The following TUSC3 variants were observed in gnomAD, a reference collection of about 807,000 sequenced individuals.
TUSC3 encodes dolichyl-diphosphooligosaccharide--protein glycosyltransferase subunit TUSC3.
Under a neutral mutation model 44.8 loss-of-function variants are expected in TUSC3, and 45 were observed. The observed-to-expected ratio is 1.00, with a 90% CI of 0.79 to 1.29. The LOEUF is 1.29. Ranked by LOEUF, TUSC3 falls within the 50% of genes most tolerant of loss-of-function variation. TUSC3 has a pLI of 0.00. For missense variants in TUSC3, 519 were observed against 437.9 expected (o/e 1.19, Z -1.65); for synonymous variants, 212 against 152.9 (o/e 1.39, Z -2.85).
At chr8:15,782,081 G>C in the TUSC3 span, among the ~76,000 whole-genome samples, 1 of 152,224 alleles carries the variant, frequency 6.6e-6, no homozygotes, top group Non-Finnish European at 1.5e-5. Context: ...GTGACAGTGA[G>C]CCGAGATCGT....
chr8:15,652,046 C>T (rs917316256), intron 3 of TUSC3, among the ~76,000 whole-genome samples: 1 of 152,202 alleles, frequency 6.6e-6, no homozygotes, highest in Non-Finnish European at 1.5e-5. Context: ...AGAATTTGAA[C>T]TCAACTGTGT....
chr8:15,837,395 CTTTT>C, the TUSC3 span, among the ~76,000 whole-genome samples: 328 of 152,070 alleles, frequency 2.2e-3, 1 homozygote, highest in African/African-American at 7.6e-3. Flanking sequence ...GTCATTGTTT[CTTTT>C]TGTCAGACTA....
chr8:15,752,077 T>C (rs1180551815), intron 9 of TUSC3, among the ~76,000 whole-genome samples: 4 of 152,052 alleles, frequency 2.6e-5, no homozygotes, highest in African/African-American at 9.7e-5. Context: ...CAATATAAAG[T>C]GTCACAAGCT....
chr8:15,576,676 G>A (rs1470222603), intron 1 of TUSC3, among the ~76,000 whole-genome samples: 1 of 137,100 alleles, frequency 7.3e-6, no homozygotes, highest in East Asian at 2.4e-4. Flanking sequence ...ATTCCATGGT[G>A]TATATGTGCC....
chr8:15,561,677 C>T (rs1001900132), intron 1 of TUSC3: 2 of 151,358 alleles, frequency 1.3e-5, no homozygotes, highest in African/African-American at 4.9e-5. Context: ...GTAGGACCCT[C>T]CGAGCCAGGT....
chr8:15,448,990 T>A (rs1314474214), intron 1 of TUSC3, among the ~76,000 whole-genome samples: 1 of 152,198 alleles, frequency 6.6e-6, no homozygotes, highest in Admixed American at 6.5e-5. Flanking sequence ...TGTATAGTAG[T>A]GTCTAGTAAT....
At chr8:15,584,010 A>G (rs545509185) in intron 1 of TUSC3, among the ~76,000 whole-genome samples, 1 of 152,230 alleles carries the variant, frequency 6.6e-6, no homozygotes, top group Non-Finnish European at 1.5e-5. Flanking sequence ...CAGGGGCAGT[A>G]TTTTGTGAGA....
the TUSC3 span, among the ~76,000 whole-genome samples, chr8:15,811,444 G>C: frequency 6.6e-6 from 1 of 152,162 alleles, no homozygotes; most frequent in Admixed American, 6.5e-5. Context: ...AAGCCCGGGG[G>C]TAGTTGCCAC....
intron 6 of TUSC3, among the ~76,000 whole-genome samples, chr8:15,713,925 T>A (rs888370148): frequency 6.6e-6 from 1 of 152,196 alleles, no homozygotes; most frequent in Non-Finnish European, 1.5e-5. Flanking sequence ...ATTGGTCACT[T>A]ATTCACAACC....
chr8:15,680,493 G>A (rs1279269321), intron 6 of TUSC3, among the ~76,000 whole-genome samples: 1 of 152,082 alleles, frequency 6.6e-6, no homozygotes, highest in Non-Finnish European at 1.5e-5. Context: ...TTTTGGTAGA[G>A]TATTTAGGGT....
intron 2 of TUSC3, among the ~76,000 whole-genome samples, chr8:15,500,973 A>T (rs190481747): frequency 6.6e-6 from 1 of 152,336 alleles, no homozygotes; most frequent in African/African-American, 2.4e-5. Flanking sequence ...TATAAGGTAC[A>T]GAAAGTAACT....
At chr8:15,704,166 A>C (rs1289551543) in intron 6 of TUSC3, among the ~76,000 whole-genome samples, 1 of 151,972 alleles carries the variant, frequency 6.6e-6, no homozygotes, top group Non-Finnish European at 1.5e-5. Context: ...ATTTAAGCAG[A>C]GACCTGAAGG....
At chr8:15,701,222 T>TC (rs1809391403) in intron 6 of TUSC3, among the ~76,000 whole-genome samples, 2 of 152,258 alleles carry the variant, frequency 1.3e-5, no homozygotes, top group South Asian at 4.1e-4. Context: ...ACCTTTTTAT[T>TC]CCCCCACAAA....
intron 2 of TUSC3, among the ~76,000 whole-genome samples, chr8:15,645,748 C>G (rs973755288): frequency 6.6e-6 from 1 of 152,088 alleles, no homozygotes; most frequent in South Asian, 2.1e-4. Context: ...GTCATGAACA[C>G]TATTCCTTTG....
chr8:15,644,104 A>C (rs2129172849), intron 2 of TUSC3, among the ~76,000 whole-genome samples: 1 of 152,328 alleles, frequency 6.6e-6, no homozygotes. Flanking sequence ...TAGATGATAT[A>C]ATTCTTTTTA....
At chr8:15,630,409 G>C (rs751846416) in intron 2 of TUSC3, among the ~76,000 whole-genome samples, 3 of 152,034 alleles carry the variant, frequency 2.0e-5, no homozygotes, top group Admixed American at 6.6e-5. Context: ...TGTTTATTAT[G>C]TGTAAACTAT....
chr8:15,483,126 G>C (rs1390901942), intron 1 of TUSC3, among the ~76,000 whole-genome samples: 1 of 152,134 alleles, frequency 6.6e-6, no homozygotes, highest in Non-Finnish European at 1.5e-5. Context: ...AATAATTTGA[G>C]AGGAAAGTGT....
At position 15,439,933 on chromosome 8, in the gene TUSC3, C is replaced by T. The variant is rs1169707289; in HGVS notation, n.91+22628C>T. On this transcript the variant is annotated intron_variant and non_coding_transcript_variant, in intron 1 of 5. Coordinates refer to the TUSC3 transcript ENST00000503191. The stretch of plus-strand genomic sequence containing the variant: ...CTTCTTACAAGTAATGCAACAGATA[C>T]TAGTTAAATTATTTCATCCATTCAT... Among the ~76,000 whole-genome samples the T allele has an allele frequency of 2.6e-5, 4 of 152,170 alleles. No individual in the cohort carries two copies. The East Asian group carries it at 7.7e-4, about 29-fold the overall frequency.
chr8:15,619,222 T>A (rs1805132659), intron 1 of TUSC3, among the ~76,000 whole-genome samples: 1 of 152,222 alleles, frequency 6.6e-6, no homozygotes, highest in South Asian at 2.1e-4. Flanking sequence ...CACTATGATT[T>A]GATATTTATT....
Sources: gnomAD v4.1 joint callset for allele counts (sites outside exome capture counted in the v4.1 genomes callset) on GRCh38, gnomAD v4.1.1 for gene constraint, MANE v1.5 for transcripts, NCBI Gene and HGNC (gene_info 2026-07-23, HGNC 2026-07-21) for gene names.